The following CCDC66 variants were observed in gnomAD, a reference collection of about 807,000 sequenced individuals.
CCDC66 encodes the protein coiled-coil domain-containing protein 66.
CCDC66 carries 133 observed loss-of-function variants against 128.3 expected under a neutral mutation model. The observed-to-expected ratio is 1.04, with a 90% CI of 0.90 to 1.20. The LOEUF (loss-of-function observed/expected upper bound fraction) is 1.20, where lower values mean the gene tolerates loss of function less well. Among genes scored for constraint, CCDC66 ranks in the 50% most tolerant of loss-of-function variants. The probability of loss-of-function intolerance (pLI) is 0.00; values close to 1 mark genes in which losing one functional copy is unlikely to be tolerated. For missense variants in CCDC66, 1,126 were observed against 1,075.5 expected, an observed-to-expected ratio of 1.05 and a Z score of -0.66; for synonymous variants, 387 against 357.0, an observed-to-expected ratio of 1.08 and a Z score of -0.95.
intron 11 of CCDC66, among the ~76,000 whole-genome samples, chr3:56,614,288 C>T (rs1414627150): frequency 6.6e-6 from 1 of 152,146 alleles, no homozygotes; most frequent in Non-Finnish European, 1.5e-5. Context: ...ATTATTACAG[C>T]ACAAAGCAAA....
intron 10 of CCDC66, among the ~76,000 whole-genome samples, chr3:56,604,700 G>C (rs2073805180): frequency 6.6e-6 from 1 of 151,672 alleles, no homozygotes; most frequent in African/African-American, 2.4e-5. Flanking sequence ...CTTTCTCTCT[G>C]GCTGCCCTTA....
intron 15 of CCDC66, 117 bp downstream of exon 15, chr3:56,618,329 G>A: frequency 1.1e-6 from 1 of 935,350 alleles, no homozygotes; most frequent in Non-Finnish European, 1.7e-6. Flanking sequence ...CAGAAAGGGT[G>A]TGGCTTCCAG....
At chr3:56,582,715 C>A (rs1480756794) in intron 7 of CCDC66, among the ~76,000 whole-genome samples, 1 of 151,320 alleles carries the variant, frequency 6.6e-6, no homozygotes, top group Non-Finnish European at 1.5e-5. Flanking sequence ...TGATGTGGAT[C>A]CTTCTGGTAC....
At chr3:56,605,949 T>G (rs1178376191) in intron 10 of CCDC66, among the ~76,000 whole-genome samples, 1 of 132,676 alleles carries the variant, frequency 7.5e-6, no homozygotes, top group Non-Finnish European at 1.6e-5. Flanking sequence ...GCTGCTGCCT[T>G]TTTTTCAGAG....
At position 56,593,546 on chromosome 3, in the gene CCDC66, G is replaced by A. The variant is rs1415260722; in HGVS notation, c.1124G>A (p.Gly375Asp). The A allele has an allele frequency of 1.2e-6, 2 of 1,613,932 alleles. No homozygotes were observed. Among genetic ancestry groups the A allele is most frequent in the Non-Finnish European group, 1.7e-6 (2 of 1,179,966 alleles). The change falls in exon 9 of 18, where the codon GGT becomes GAT. Residue 375 changes from glycine to aspartate, a missense_variant. Physicochemically the swap from Gly to Asp is moderately conservative, Grantham distance 94. Coordinates refer to ENST00000394672, the MANE Select transcript of CCDC66 (RefSeq NM_001141947.3). ...MHFDSLKSYP[G>D]SQSQLFSQST... ...TTTGATTCATTAAAGAGTTATCCTG[G>A]TTCTCAATCTCAGCTGTTCTCTCAG...
chr3:56,578,516 G>A (rs914331799), intron 7 of CCDC66, among the ~76,000 whole-genome samples: 9 of 151,706 alleles, frequency 5.9e-5, no homozygotes, highest in African/African-American at 1.2e-4. Flanking sequence ...TCCAGTTTTC[G>A]TCCATTCAGT....
intron 7 of CCDC66, among the ~76,000 whole-genome samples, chr3:56,580,568 T>G (rs1274088742): frequency 6.6e-6 from 1 of 151,884 alleles, no homozygotes; most frequent in Admixed American, 6.6e-5. Flanking sequence ...TTTCCATGTT[T>G]AGTGCTTCCT....
intron 10 of CCDC66, among the ~76,000 whole-genome samples, chr3:56,594,497 A>T (rs2071507701): frequency 1.3e-5 from 2 of 152,076 alleles, no homozygotes; most frequent in African/African-American, 4.8e-5. Context: ...CATCCTGTGA[A>T]TGGTGAAACC....
chr3:56,569,933 C>G (rs2066407098), intron 6 of CCDC66: 1 of 152,200 alleles, frequency 6.6e-6, no homozygotes, highest in South Asian at 2.1e-4. Flanking sequence ...TTGCTGGGTT[C>G]AAGTGATTCT....
intron 13 of CCDC66, chr3:56,616,473 T>C (rs903106415): frequency 5.5e-6 from 1 of 180,322 alleles, no homozygotes; most frequent in African/African-American, 2.4e-5. Context: ...TTAAGGTTCA[T>C]CCATGTTGTA....
At chr3:56,564,525 A>G (rs1050396906) in intron 4 of CCDC66, among the ~76,000 whole-genome samples, 8 of 152,226 alleles carry the variant, frequency 5.3e-5, no homozygotes, top group African/African-American at 1.9e-4. Flanking sequence ...TGAGTTACTG[A>G]AAAACATTGC....
At chr3:56,616,924 G>A (rs1037431786) in intron 13 of CCDC66, 188 bp from the exon 14 acceptor site, 14 of 454,136 alleles carry the variant, frequency 3.1e-5, no homozygotes, top group African/African-American at 2.0e-4. Context: ...ATGGAAATTA[G>A]AGTGGTGGCT....
At chr3:56,617,905 A>G (rs2075722500) in intron 14 of CCDC66, 1 of 570,006 alleles carries the variant, frequency 1.8e-6, no homozygotes, top group African/African-American at 1.9e-5. Context: ...CTTTACACTT[A>G]CACAACTTCT....
chr3:56,618,903 G>C, intron 15 of CCDC66: 1 of 182,230 alleles, frequency 5.5e-6, no homozygotes. Flanking sequence ...CATTCCCAAA[G>C]GTGTTACAGG....
At chr3:56,585,121 G>T (rs2069417310) in intron 7 of CCDC66, among the ~76,000 whole-genome samples, 1 of 114,008 alleles carries the variant, frequency 8.8e-6, no homozygotes, top group Admixed American at 8.3e-5. Flanking sequence ...GGGGGAGGGG[G>T]AGAGGGAGAG....
At chr3:56,557,739 T>G (rs1013907895) in intron 1 of CCDC66, 4 of 156,278 alleles carry the variant, frequency 2.6e-5, no homozygotes, top group African/African-American at 4.8e-5. Context: ...GCCTAACACC[T>G]AGTAGGCGCT....
chr3:56,610,009 T>G (rs1436374389), intron 10 of CCDC66, among the ~76,000 whole-genome samples: 2 of 152,214 alleles, frequency 1.3e-5, no homozygotes, highest in Non-Finnish European at 2.9e-5. Context: ...CTTAAGATTC[T>G]TTCCTTCGTC....
At chr3:56,564,896 A>C (rs546800833) in intron 4 of CCDC66, among the ~76,000 whole-genome samples, 9 of 152,212 alleles carry the variant, frequency 5.9e-5, no homozygotes, top group Non-Finnish European at 8.8e-5. Flanking sequence ...GTTATAGATT[A>C]TTCTTGGTAA....
At chr3:56,594,592 A>C (rs1341121102) in intron 10 of CCDC66, among the ~76,000 whole-genome samples, 1 of 151,888 alleles carries the variant, frequency 6.6e-6, no homozygotes, top group Non-Finnish European at 1.5e-5. Context: ...CTGAGGTGGG[A>C]GAATGGCATG....
Sources: gnomAD v4.1 joint callset for allele counts (sites outside exome capture counted in the v4.1 genomes callset) on GRCh38, gnomAD v4.1.1 for gene constraint, MANE v1.5 for transcripts, NCBI Gene and HGNC (gene_info 2026-07-23, HGNC 2026-07-21) for gene names.